EMSY: variants seen among roughly 807,000 people sequenced by gnomAD.
EMSY encodes the protein EMSY transcriptional repressor, BRCA2 interacting.
A neutral mutation model predicts 134.6 loss-of-function variants in EMSY; 26 were observed. The ratio of observed to expected loss-of-function variants is 0.19; its 90% CI spans 0.14 to 0.27. The LOEUF (loss-of-function observed/expected upper bound fraction) is 0.27. Ranked by LOEUF, EMSY falls within the 10% of genes least tolerant of loss-of-function variation. The pLI is 1.00. For synonymous variants in EMSY, 579 were observed against 577.8 expected (o/e 1.00, Z -0.03); for missense variants, 1,305 against 1,611.4 (o/e 0.81, Z 3.26).
At chr11:76,473,120 G>A (rs1446321571) in intron 8 of EMSY, among the ~76,000 whole-genome samples, 2 of 152,104 alleles carry the variant, frequency 1.3e-5, no homozygotes, top group African/African-American at 4.8e-5. Context: ...ATTTCAAAGG[G>A]CTGTACAAAT....
At chr11:76,485,692 G>T (rs951080824) in intron 8 of EMSY, among the ~76,000 whole-genome samples, 3 of 152,142 alleles carry the variant, frequency 2.0e-5, no homozygotes, top group African/African-American at 7.2e-5. Flanking sequence ...GGAAGTTCTG[G>T]CCAGGGCAAT....
exon 21 of EMSY, chr11:76,550,107 T>C (rs1360409722): frequency 1.9e-6 from 3 of 1,613,444 alleles, no homozygotes; most frequent in Non-Finnish European, 2.5e-6. Context: ...AGGATGGAAC[T>C]GAACCCAGCC....
chr11:76,459,965 T>C (rs970590801), exon 6 of EMSY: 14 of 1,614,216 alleles, frequency 8.7e-6, no homozygotes, highest in Admixed American at 1.7e-5. Context: ...AAGTACCACG[T>C]CAACCCCAAC....
chr11:76,504,301 A>T (rs913301483), intron 9 of EMSY, among the ~76,000 whole-genome samples: 6 of 148,828 alleles, frequency 4.0e-5, no homozygotes, highest in African/African-American at 1.5e-4. Context: ...TATATATATA[A>T]TATATATATA....
At chr11:76,464,206 A>G (rs1948257778) in intron 7 of EMSY, 126 bp downstream of exon 8, 8 of 1,194,476 alleles carry the variant, frequency 6.7e-6, no homozygotes, top group Non-Finnish European at 9.3e-6. Context: ...CACATCTTTT[A>G]CTTTGTTTAA....
At chr11:76,539,702 A>T in intron 17 of EMSY, 62 bp downstream of exon 18, 2 of 1,517,506 alleles carry the variant, frequency 1.3e-6, no homozygotes, top group Non-Finnish European at 1.8e-6. Flanking sequence ...TTTGGGGGGA[A>T]CCGCTTAAAT....
intron 5 of EMSY, chr11:76,459,711 C>A (rs1948029695): frequency 4.1e-6 from 2 of 482,070 alleles, no homozygotes; most frequent in African/African-American, 1.9e-5. Context: ...AGCAATGTCA[C>A]CTGTAGACAA....
At chr11:76,489,641 A>G (rs191077582) in intron 8 of EMSY, among the ~76,000 whole-genome samples, 2 of 140,146 alleles carry the variant, frequency 1.4e-5, no homozygotes, top group Non-Finnish European at 3.0e-5. Context: ...GTCTTGCTCT[A>G]TCGCCCAGGC....
intron 2 of EMSY, among the ~76,000 whole-genome samples, chr11:76,449,241 A>T (rs940513855): frequency 6.6e-6 from 1 of 152,216 alleles, no homozygotes; most frequent in Non-Finnish European, 1.5e-5. Flanking sequence ...GATACCCATC[A>T]AAATGGACAT....
chr11:76,463,608 T>C (rs1053798399), intron 6 of EMSY, among the ~76,000 whole-genome samples: 22 of 118,950 alleles, frequency 1.8e-4, no homozygotes, highest in Non-Finnish European at 4.9e-5. Context: ...CCGGCCTGGG[T>C]GACAGAGCGA....
chr11:76,513,545 CT>C lies in EMSY; in HGVS notation c.1513+12del, dbSNP rs1213634628. 6.2e-7 allele frequency: 1 copy of C among 1,612,044 alleles called. No individual in the cohort carries two copies. Among genetic ancestry groups the C allele is most frequent in the Non-Finnish European group, 8.5e-7 (1 of 1,178,818 alleles). On this transcript the variant is annotated intron_variant, in intron 10 of 20. Transcript: ENST00000334736. Reference sequence around the variant, plus strand: ...GTAACCACTCCTACTGGTAAGTTCTCTTGAGCATCAGTTCATTTATTCATCA... The same window carrying C: ...GTAACCACTCCTACTGGTAAGTTCTCTGAGCATCAGTTCATTTATTCATCA...
At chr11:76,466,291 G>A (rs1426715507) in intron 7 of EMSY, among the ~76,000 whole-genome samples, 1 of 152,134 alleles carries the variant, frequency 6.6e-6, no homozygotes, top group Admixed American at 6.5e-5. Flanking sequence ...AGTATCTGGT[G>A]TTCTCAATTC....
chr11:76,460,004 G>A, exon 6 of EMSY: 17 of 1,614,164 alleles, frequency 1.1e-5, no homozygotes, highest in Non-Finnish European at 1.4e-5. Flanking sequence ...TGGCAGCATA[G>A]CAACGGTTAA....
chr11:76,447,592 T>C (rs10793168), intron 2 of EMSY, among the ~76,000 whole-genome samples: 149,779 of 152,366 alleles, frequency 0.98, 73,646 homozygotes, highest in African/African-American at 1. Flanking sequence ...TTATTTAGTG[T>C]TTCTTTTCCC....
chr11:76,482,448 C>A (rs1374665053), intron 8 of EMSY, among the ~76,000 whole-genome samples: 2 of 152,108 alleles, frequency 1.3e-5, no homozygotes, highest in African/African-American at 4.8e-5. Context: ...ATTAACAAAC[C>A]TCCCCGAGCT....
At chr11:76,465,149 T>G (rs1418329367) in intron 7 of EMSY, among the ~76,000 whole-genome samples, 9 of 152,228 alleles carry the variant, frequency 5.9e-5, no homozygotes, top group Middle Eastern at 3.2e-3. Context: ...GTTATTTGAT[T>G]TGTCTCTGTT....
intron 15 of EMSY, among the ~76,000 whole-genome samples, chr11:76,537,592 T>A (rs1300309890): frequency 6.6e-6 from 1 of 152,204 alleles, no homozygotes; most frequent in East Asian, 1.9e-4. Flanking sequence ...AAGTCCTTCT[T>A]ACTAGGCTGC....
At chr11:76,531,444 C>T (rs527954268) in intron 14 of EMSY, among the ~76,000 whole-genome samples, 8 of 152,044 alleles carry the variant, frequency 5.3e-5, no homozygotes, top group African/African-American at 1.9e-4. Flanking sequence ...AGGTCAGTTA[C>T]TTTGTAGAAT....
chr11:76,513,554 C>T lies in EMSY; in HGVS notation c.1513+19C>T. The T allele has an allele frequency of 6.2e-7, 1 of 1,610,782 alleles. No individual in the cohort carries two copies. Among genetic ancestry groups the T allele is most frequent in the Non-Finnish European group, 8.5e-7 (1 of 1,178,008 alleles). Reference sequence around the variant, plus strand: ...CCTACTGGTAAGTTCTCTTGAGCATCAGTTCATTTATTCATCATACATTCA... The same window carrying T: ...CCTACTGGTAAGTTCTCTTGAGCATTAGTTCATTTATTCATCATACATTCA... On this transcript the variant is annotated intron_variant, in intron 10 of 20. Coordinates refer to ENST00000334736, the Ensembl canonical transcript of EMSY.
Sources: allele counts gnomAD v4.1 joint callset (sites outside exome capture counted in the v4.1 genomes callset), GRCh38; gene constraint gnomAD v4.1.1; transcripts MANE v1.5; gene names NCBI Gene and HGNC (gene_info 2026-07-23, HGNC 2026-07-21).